USP24: variants seen among roughly 807,000 people sequenced by gnomAD.
USP24 encodes ubiquitin carboxyl-terminal hydrolase 24.
In USP24, 97 loss-of-function variants were observed where a neutral mutation model predicts 361.6. The observed-to-expected ratio is 0.27, with a 90% confidence interval of 0.23 to 0.32. USP24 has a LOEUF of 0.32. USP24 is among the 10% of genes least tolerant of loss of function. USP24 has a pLI of 1.00. For missense variants in USP24, 2,353 were observed against 3,165.6 expected (o/e 0.74, Z 6.16); for synonymous variants, 1,098 against 1,124.6 (o/e 0.98, Z 0.47).
rs1191549010 is a variant in USP24 at position 55,093,748 on chromosome 1, C to T, written c.6354+189G>A. The T allele has an allele frequency of 5.8e-6, 4 of 684,306 alleles. No homozygotes were observed. In the Admixed American group the frequency reaches 1.2e-4, roughly 21 times the overall value. The allele number at this position is 684,306 out of a possible 1,614,324, so 42.4% of individuals were successfully genotyped here. On this transcript the variant is annotated intron_variant, in intron 52 of 67. Coordinates refer to ENST00000294383, the MANE Select transcript of USP24 (RefSeq NM_015306.3). ...ATGAGTGTGTATTCATACTTGTGTT[C>T]TTAGCACTCCATGGCTCTAGCTCTA... is the stretch of plus-strand genomic sequence containing the variant.
intron 26 of USP24, 98 bp downstream of exon 26, chr1:55,138,510 C>A: frequency 1.2e-6 from 1 of 835,880 alleles, no homozygotes. Context: ...ACCAAACTAC[C>A]TTTAGAATGA....
intron 36 of USP24, among the ~76,000 whole-genome samples, chr1:55,123,022 T>G (rs971480667): frequency 1.3e-5 from 2 of 152,140 alleles, no homozygotes; most frequent in East Asian, 1.9e-4. Context: ...GCTCTCATGT[T>G]AGAGAATGAT....
At chr1:55,115,437 A>C (rs1646081026) in intron 38 of USP24, among the ~76,000 whole-genome samples, 1 of 131,406 alleles carries the variant, frequency 7.6e-6, no homozygotes, top group Non-Finnish European at 1.6e-5. Context: ...CGGAGCTTGC[A>C]GTGAGCCGAG....
At chr1:55,141,534 T>C in intron 24 of USP24, 82 bp downstream of exon 24, 1 of 1,244,534 alleles carries the variant, frequency 8.0e-7, no homozygotes, top group Non-Finnish European at 1.1e-6. Flanking sequence ...AATCAATAAC[T>C]GAGAAACCTA....
chr1:55,116,612 G>C (rs1646123985), intron 38 of USP24, among the ~76,000 whole-genome samples: 1 of 151,278 alleles, frequency 6.6e-6, no homozygotes, highest in Admixed American at 6.6e-5. Flanking sequence ...GATTGAATCA[G>C]GAAGAAACAG....
intron 49 of USP24, 127 bp downstream of exon 49, chr1:55,096,825 A>G (rs2100492024): frequency 7.3e-7 from 1 of 1,376,538 alleles, no homozygotes; most frequent in Non-Finnish European, 9.8e-7. Flanking sequence ...GAAGCTTTAA[A>G]ACTTCAAAAT....
At chr1:55,121,851 G>A (rs1449836231) in intron 36 of USP24, among the ~76,000 whole-genome samples, 1 of 152,174 alleles carries the variant, frequency 6.6e-6, no homozygotes, top group Non-Finnish European at 1.5e-5. Context: ...TAAAAGCTTG[G>A]AGGGAAGTTA....
intron 26 of USP24, 72 bp from the exon 27 acceptor site, chr1:55,137,976 TCTA>T (rs1175253166): frequency 7.1e-7 from 1 of 1,413,312 alleles, no homozygotes; most frequent in Non-Finnish European, 9.7e-7. Context: ...TGAGTGAACA[TCTA>T]CTAGGTACTG....
intron 1 of USP24, among the ~76,000 whole-genome samples, chr1:55,180,686 C>A (rs1261882205): frequency 6.6e-6 from 1 of 152,162 alleles, no homozygotes; most frequent in Non-Finnish European, 1.5e-5. Context: ...TTCAGGGAAG[C>A]CTTTCCAGAA....
At chr1:55,110,273 T>C in intron 38 of USP24, 27 bp from the exon 39 acceptor site, 1 of 1,491,500 alleles carries the variant, frequency 6.7e-7, no homozygotes, top group Non-Finnish European at 9.0e-7. Flanking sequence ...TTTCAGTTAC[T>C]AATAAGAGGC....
chr1:55,197,602 G>A (rs914098884), intron 1 of USP24, among the ~76,000 whole-genome samples: 8 of 152,180 alleles, frequency 5.3e-5, no homozygotes, highest in African/African-American at 1.7e-4. Context: ...CAAATACTGA[G>A]CTGTAGTAAA....
At chr1:55,121,071 T>C (rs1309796719) in intron 37 of USP24, among the ~76,000 whole-genome samples, 2 of 152,242 alleles carry the variant, frequency 1.3e-5, no homozygotes, top group Non-Finnish European at 2.9e-5. Context: ...GTCAGAACTA[T>C]AATATCTAAT....
At chr1:55,104,859 T>C (rs1570412260) in intron 41 of USP24, among the ~76,000 whole-genome samples, 1 of 152,308 alleles carries the variant, frequency 6.6e-6, no homozygotes, top group East Asian at 1.9e-4. Flanking sequence ...AAGAAAAGAA[T>C]AGGGAGGTGC....
intron 15 of USP24, 69 bp downstream of exon 15, chr1:55,154,050 T>G: frequency 1.2e-6 from 2 of 1,600,694 alleles, no homozygotes; most frequent in East Asian, 4.5e-5. Flanking sequence ...GGAGGAAAAT[T>G]ATTTGGCTCT....
At chr1:55,159,288 T>C (rs1408952907) in intron 9 of USP24, among the ~76,000 whole-genome samples, 1 of 152,228 alleles carries the variant, frequency 6.6e-6, no homozygotes, top group Non-Finnish European at 1.5e-5. Flanking sequence ...GTAAAATTGC[T>C]TTAAACAACT....
rs550052728 is a variant in USP24, at chr1:55,180,022, T to A, written c.325-1890A>T. Among the ~76,000 whole-genome samples, 19 of 152,316 alleles carry A rather than the reference T, an allele frequency of 1.2e-4. No individual in the cohort carries two copies. In the South Asian group the frequency reaches 3.5e-3, roughly 28 times the overall value. On this transcript the variant is annotated intron_variant, in intron 1 of 67. Transcript: ENST00000294383. ...ATTTTACAAGGCCTTGAATGGTCTA[T>A]CCCCTAACTGTCTCTCTCTAGCTTT...
chr1:55,195,909 C>CTTT (rs1292446091), intron 1 of USP24, among the ~76,000 whole-genome samples: 1 of 152,026 alleles, frequency 6.6e-6, no homozygotes. Context: ...GAACTGTACA[C>CTTT]TTAAAAAAGA....
At chr1:55,121,591 C>A (rs902597850) in intron 36 of USP24, 85 bp from the exon 37 acceptor site, 2 of 1,124,406 alleles carry the variant, frequency 1.8e-6, no homozygotes, top group South Asian at 1.4e-5. Flanking sequence ...TTAAGCTCAA[C>A]TTAAGCATAA....
chr1:55,106,326 T>G, intron 40 of USP24, 63 bp from the exon 41 acceptor site: 1 of 1,308,800 alleles, frequency 7.6e-7, no homozygotes, highest in Non-Finnish European at 1.1e-6. Flanking sequence ...AGATCCTATC[T>G]TGCACTTTCT....
Sources: gnomAD v4.1 joint callset for allele counts (sites outside exome capture counted in the v4.1 genomes callset) on GRCh38, gnomAD v4.1.1 for gene constraint, MANE v1.5 for transcripts, NCBI Gene and HGNC (gene_info 2026-07-23, HGNC 2026-07-21) for gene names.